The following SLX9 variants were observed in gnomAD, a reference collection of about 807,000 sequenced individuals.
The protein encoded by SLX9 is SLX9 ribosome biogenesis factor, also known as ribosome biogenesis protein SLX9 homolog.
A neutral mutation model predicts 20.8 loss-of-function variants in SLX9; 19 were observed. That is an observed-to-expected ratio of 0.91 (90% CI 0.64 to 1.34). SLX9 has a LOEUF of 1.34. Ranked by LOEUF, SLX9 falls within the 40% of genes most tolerant of loss-of-function variation. The pLI, the probability that SLX9 is intolerant of heterozygous loss-of-function variation, is 0.00. For synonymous variants in SLX9, 113 were observed against 137.1 expected (o/e 0.82, Z 1.23); for missense variants, 299 against 322.2 (o/e 0.93, Z 0.55).
chr21:44,972,015 G>A (rs2085159769), intron 4 of SLX9, among the ~76,000 whole-genome samples: 4 of 152,220 alleles, frequency 2.6e-5, no homozygotes, highest in African/African-American at 9.6e-5. Context: ...CAGAGCTAGG[G>A]TTAAAAGAAA....
At chr21:44,952,684 G>T (rs1051838339) in intron 2 of SLX9, among the ~76,000 whole-genome samples, 3 of 152,230 alleles carry the variant, frequency 2.0e-5, no homozygotes, top group African/African-American at 4.8e-5. Context: ...ACCCTCCCTC[G>T]TTTGGGGTGC....
chr21:44,964,137 T>G (rs1335532349), intron 3 of SLX9, among the ~76,000 whole-genome samples: 1 of 152,186 alleles, frequency 6.6e-6, no homozygotes, highest in East Asian at 1.9e-4. Context: ...TGCTAAGTAT[T>G]TTATAGTTTT....
chr21:44,940,275 C>T (rs2084516281), intron 1 of SLX9, 89 bp downstream of exon 1: 2 of 1,188,234 alleles, frequency 1.7e-6, no homozygotes, highest in South Asian at 8.6e-5. Flanking sequence ...GGTTCCGCGA[C>T]CCCGGCCTTC....
chr21:44,939,891 C>A, upstream of SLX9: 1 of 644,354 alleles, frequency 1.6e-6, no homozygotes, highest in Non-Finnish European at 2.5e-6. Flanking sequence ...AAAGGCGGAG[C>A]GCCGCCACCC....
intron 4 of SLX9, among the ~76,000 whole-genome samples, chr21:44,967,749 C>A (rs55989453): frequency 0.078 from 11,922 of 152,242 alleles, 1,559 homozygotes; most frequent in African/African-American, 0.27. Flanking sequence ...GCGTGTGGGA[C>A]CCACTCATGC....
intron 2 of SLX9, among the ~76,000 whole-genome samples, chr21:44,954,364 CAG>C (rs1231483194): frequency 1.3e-5 from 2 of 152,116 alleles, no homozygotes; most frequent in Non-Finnish European, 2.9e-5. Flanking sequence ...ACCCTTCTCT[CAG>C]GGGCCCCGTC....
rs189242240 is a variant in SLX9, at chr21:44,951,163, G to A, written c.283+7326G>A. ...GGCTTGGCCAGCCTCTTCTGTGCCT[G>A]TGTCTCATGGCCTGGCTCCTGTTCA... On this transcript the variant is annotated intron_variant, in intron 2 of 5. Transcript: ENST00000291634. Among the ~76,000 whole-genome samples, 807 of 152,270 alleles carry A rather than the reference G, an allele frequency of 5.3e-3. 29 individuals carry two copies. Among genetic ancestry groups the A allele is most frequent in the Admixed American group, 0.046 (702 of 15,280 alleles).
At chr21:44,944,152 C>T (rs369259174) in intron 2 of SLX9, among the ~76,000 whole-genome samples, 24 of 152,322 alleles carry the variant, frequency 1.6e-4, no homozygotes, top group South Asian at 4.1e-4. Context: ...CTGATTCTTT[C>T]GGTCTGTCTG....
At chr21:44,956,276 CTG>C (rs1035429100) in intron 2 of SLX9, among the ~76,000 whole-genome samples, 50 of 152,298 alleles carry the variant, frequency 3.3e-4, no homozygotes, top group African/African-American at 1.2e-3. Context: ...TCGGTGTTTT[CTG>C]TGTCTTTTGT....
At chr21:44,950,352 A>G (rs1368819008) in intron 2 of SLX9, among the ~76,000 whole-genome samples, 7 of 152,236 alleles carry the variant, frequency 4.6e-5, no homozygotes, top group Non-Finnish European at 8.8e-5. Flanking sequence ...TTAAAATAAG[A>G]ACAAACTGAC....
chr21:44,972,267 C>T (rs1377695336), intron 4 of SLX9, among the ~76,000 whole-genome samples: 1 of 152,144 alleles, frequency 6.6e-6, no homozygotes, highest in Admixed American at 6.5e-5. Flanking sequence ...AGGTCGCTGT[C>T]CCATGTGAAC....
chr21:44,941,652 CACAGCCA>C (rs1377392499), intron 1 of SLX9, among the ~76,000 whole-genome samples: 1 of 152,218 alleles, frequency 6.6e-6, no homozygotes, highest in Admixed American at 6.5e-5. Flanking sequence ...CCCTCAGAGG[CACAGCCA>C]AGGACTAGTA....
chr21:44,974,974 G>A (rs554434001), intron 5 of SLX9, among the ~76,000 whole-genome samples: 90 of 152,288 alleles, frequency 5.9e-4, no homozygotes, highest in African/African-American at 2.0e-3. Context: ...TTGCGGTCGC[G>A]GCATTTTGAA....
At chr21:44,952,930 T>C (rs911035983) in intron 2 of SLX9, among the ~76,000 whole-genome samples, 1 of 152,108 alleles carries the variant, frequency 6.6e-6, no homozygotes, top group Admixed American at 6.5e-5. Context: ...CAGCTGAGTG[T>C]TTTCAAATGG....
At chr21:44,963,002 A>G (rs1354831992) in intron 3 of SLX9, among the ~76,000 whole-genome samples, 1 of 151,782 alleles carries the variant, frequency 6.6e-6, no homozygotes, top group Non-Finnish European at 1.5e-5. Context: ...TTGAGCTCTA[A>G]GAGTTCTTTG....
intron 2 of SLX9, among the ~76,000 whole-genome samples, chr21:44,958,668 G>A (rs996390368): frequency 7.2e-5 from 11 of 152,376 alleles, no homozygotes; most frequent in South Asian, 2.1e-4. Flanking sequence ...CAGCAAGGGC[G>A]CCTTGGGCCC....
intron 4 of SLX9, among the ~76,000 whole-genome samples, chr21:44,968,248 GCAACCCCCAGTGACA>G (rs1174818300): frequency 3.3e-5 from 5 of 151,052 alleles, no homozygotes; most frequent in East Asian, 1.9e-4. Flanking sequence ...ACCCGGTGAC[GCAACCCCCAGTGACA>G]CAACCCCCAG....
chr21:44,973,129 C>G (rs2085187243), intron 4 of SLX9, 68 bp from the exon 5 acceptor site: 1 of 1,570,188 alleles, frequency 6.4e-7, no homozygotes, highest in Non-Finnish European at 8.8e-7. Flanking sequence ...GAGGAGCCAG[C>G]CTCTGCCCAC....
At chr21:44,949,173 G>C (rs1451369711) in intron 2 of SLX9, among the ~76,000 whole-genome samples, 1 of 152,178 alleles carries the variant, frequency 6.6e-6, no homozygotes, top group Non-Finnish European at 1.5e-5. Flanking sequence ...GAGAGGCCAG[G>C]GTCCCGAGCC....
Sources: allele counts gnomAD v4.1 joint callset (sites outside exome capture counted in the v4.1 genomes callset), GRCh38; gene constraint gnomAD v4.1.1; transcripts MANE v1.5; gene names NCBI Gene and HGNC (gene_info 2026-07-23, HGNC 2026-07-21).